Variants in ARFGEF2 observed in about 807,000 individuals in gnomAD.
The protein encoded by ARFGEF2 is brefeldin A-inhibited guanine nucleotide-exchange protein 2.
Under a neutral mutation model 219.9 loss-of-function variants are expected in ARFGEF2, and 74 were observed. The ratio of observed to expected loss-of-function variants is 0.34; its 90% confidence interval spans 0.28 to 0.41. The LOEUF (loss-of-function observed/expected upper bound fraction) is 0.41, where lower values mean the gene tolerates loss of function less well. ARFGEF2 is among the 10% of genes least tolerant of loss of function. The pLI is 1.00. For missense variants in ARFGEF2, 1,743 were observed against 2,218.3 expected, an observed-to-expected ratio of 0.79 and a Z score of 4.30; for synonymous variants, 733 against 799.2, an observed-to-expected ratio of 0.92 and a Z score of 1.40.
chr20:48,929,190 C>A (rs979488360), intron 1 of ARFGEF2, among the ~76,000 whole-genome samples: 2 of 152,236 alleles, frequency 1.3e-5, no homozygotes, highest in East Asian at 3.8e-4. Context: ...TGATTCATTT[C>A]TGAAATTTTC....
At position 49,011,826 on chromosome 20, in the gene ARFGEF2, G is replaced by A. The variant is rs1535268; in HGVS notation, c.3758-98G>A. On this transcript the variant is annotated intron_variant, in intron 27 of 38. Transcript: ENST00000371917. ...TAGATTTTCACAGTTAATTATCTCTGATGTATGTGTGTGTGTGTGTGTGTG... is the reference window on the plus strand; with the variant it reads ...TAGATTTTCACAGTTAATTATCTCTAATGTATGTGTGTGTGTGTGTGTGTG... The A allele has an allele frequency of 0.16, 197,311 of 1,269,706 alleles. 18,782 individuals are homozygous for A. The highest frequency in any genetic ancestry group is 0.34 in the East Asian group (14,864 of 43,322). 78.7% of individuals were successfully genotyped at this position (1,269,706 alleles called of 1,614,324 possible).
intron 3 of ARFGEF2, 28 bp from the exon 4 acceptor site, chr20:48,951,295 G>A (rs1384584301): frequency 3.1e-6 from 5 of 1,613,190 alleles, no homozygotes; most frequent in African/African-American, 2.7e-5. Context: ...AAGCAGAAAT[G>A]TATAATCTCT....
chr20:48,975,990 C>T lies in ARFGEF2; in HGVS notation c.1775-26C>T, dbSNP rs1161548415. On this transcript the variant is annotated intron_variant, in intron 13 of 38. Transcript: ENST00000371917. ...GTCTGTGTCCCACTTGCTTATTTGG[C>T]TTCCTTTACTTTTGTTTCTCCGCAG... The T allele has an allele frequency of 1.9e-6, 3 of 1,611,686 alleles. No individual in the cohort carries two copies. In the African/African-American group the frequency reaches 4.0e-5, roughly 22 times the overall value.
At chr20:49,002,784 A>G (rs1478048257) in intron 25 of ARFGEF2, among the ~76,000 whole-genome samples, 2 of 150,662 alleles carry the variant, frequency 1.3e-5, no homozygotes, top group African/African-American at 4.9e-5. Flanking sequence ...AGCTGGGATT[A>G]TAGGCACCCA....
At chr20:48,950,301 C>T (rs1206754096) in intron 3 of ARFGEF2, among the ~76,000 whole-genome samples, 1 of 151,888 alleles carries the variant, frequency 6.6e-6, no homozygotes, top group Non-Finnish European at 1.5e-5. Flanking sequence ...CAGGATTCAA[C>T]GTTGAAAAAA....
At chr20:48,934,029 A>G (rs2090930808) in intron 1 of ARFGEF2, among the ~76,000 whole-genome samples, 1 of 147,970 alleles carries the variant, frequency 6.8e-6, no homozygotes, top group Non-Finnish European at 1.5e-5. Context: ...CTGAGGCAGG[A>G]GAATCTCTTG....
At chr20:48,976,340 G>A (rs2123429791) in intron 14 of ARFGEF2, 141 bp downstream of exon 14, 2 of 1,021,428 alleles carry the variant, frequency 2.0e-6, no homozygotes, top group African/African-American at 1.6e-5. Flanking sequence ...ATTGAGCCAG[G>A]CAATCAGTAA....
chr20:49,025,864 C>A (rs2123566303), intron 36 of ARFGEF2, among the ~76,000 whole-genome samples: 1 of 152,030 alleles, frequency 6.6e-6, no homozygotes, highest in East Asian at 1.9e-4. Context: ...AACCCATAAT[C>A]CCAGCTACTT....
intron 1 of ARFGEF2, among the ~76,000 whole-genome samples, chr20:48,937,931 GT>G (rs2090969140): frequency 6.6e-6 from 1 of 152,226 alleles, no homozygotes; most frequent in South Asian, 2.1e-4. Flanking sequence ...AAACACCAGT[GT>G]TTTGAACCGT....
rs764533856 is a variant in ARFGEF2, at chr20:49,012,040, C to T, written c.3874C>T (p.Arg1292Trp). Residue 1292 changes from arginine (R) to tryptophan (W), a missense_variant, in exon 28 of 39, where the codon CGG becomes TGG. By Grantham distance (101) the Arg-to-Trp change is moderately radical. Coordinates refer to ENST00000371917, the MANE Select transcript of ARFGEF2 (RefSeq NM_006420.3). ...AFPDTSMEAIRLIRFCGKYVS... is the reference protein window; with the variant it reads ...AFPDTSMEAIWLIRFCGKYVS... ...CCCTGACACGAGCATGGAAGCGATTCGGCTCATCCGCTTCTGTGGCAAATA... is the reference window on the plus strand; with the variant it reads ...CCCTGACACGAGCATGGAAGCGATTTGGCTCATCCGCTTCTGTGGCAAATA... The T allele has an allele frequency of 6.2e-6, 10 of 1,614,038 alleles. No homozygotes were observed. Among genetic ancestry groups the T allele is most frequent in the South Asian group, 1.1e-5 (1 of 91,084 alleles).
chr20:48,941,077 A>G, intron 1 of ARFGEF2, 122 bp from the exon 2 acceptor site: 1 of 880,364 alleles, frequency 1.1e-6, no homozygotes. Flanking sequence ...TCATATCAGC[A>G]TTTTTGTATT....
intron 15 of ARFGEF2, 90 bp from the exon 16 acceptor site, chr20:48,985,318 G>A: frequency 7.2e-7 from 1 of 1,395,110 alleles, no homozygotes; most frequent in East Asian, 2.3e-5. Flanking sequence ...GTTAGGGCCA[G>A]GCTATTCTGA....
chr20:49,009,165 T>C (rs919569133), intron 26 of ARFGEF2, among the ~76,000 whole-genome samples: 17 of 152,246 alleles, frequency 1.1e-4, no homozygotes, highest in Non-Finnish European at 2.2e-4. Context: ...TTCATTTTTA[T>C]TATATATTGG....
Position 48,963,901 on chromosome 20 carries a change from A to G in ARFGEF2, c.907+3A>G. ...TGTAGTCACATCTGCCATTAAAGGT[A>G]AGAACCAAGGACAACCCAGCCTTTC... On this transcript the variant is annotated splice_donor_region_variant and intron_variant, in intron 7 of 38. Coordinates refer to ENST00000371917, the MANE Select transcript of ARFGEF2 (RefSeq NM_006420.3). The G allele has an allele frequency of 1.2e-6, 2 of 1,613,786 alleles. No individual in the cohort carries two copies. Among genetic ancestry groups the G allele is most frequent in the South Asian group, 2.2e-5 (2 of 91,010 alleles).
intron 20 of ARFGEF2, 57 bp from the exon 21 acceptor site, chr20:48,990,983 G>A (rs2091354387): frequency 1.3e-6 from 2 of 1,581,966 alleles, no homozygotes; most frequent in African/African-American, 1.3e-5. Context: ...CTGCAGATGT[G>A]AGAATGGCCA....
chr20:49,031,782 G>A (rs866001935), intron 37 of ARFGEF2, among the ~76,000 whole-genome samples: 1 of 151,998 alleles, frequency 6.6e-6, no homozygotes, highest in Admixed American at 6.6e-5. Context: ...CAGGCATGGT[G>A]GCGCAAGCAT....
chr20:48,995,888 G>T lies in ARFGEF2; in HGVS notation c.3221+6G>T. 1 of 1,613,684 alleles carries T rather than the reference G, an allele frequency of 6.2e-7. No homozygotes were observed. The highest frequency in any genetic ancestry group is 8.5e-7 in the Non-Finnish European group (1 of 1,179,588). On this transcript the variant is annotated splice_donor_region_variant and intron_variant, in intron 23 of 38. Coordinates refer to ENST00000371917, the MANE Select transcript of ARFGEF2 (RefSeq NM_006420.3). ...GTGGTTGTAGCTGTGGACAGGTAAT[G>T]ATTTTATTCTTCAGTGACCCTGAAC...
At chr20:48,961,861 CAAA>C (rs757807266) in intron 6 of ARFGEF2, among the ~76,000 whole-genome samples, 2 of 119,308 alleles carry the variant, frequency 1.7e-5, no homozygotes, top group African/African-American at 3.2e-5. Flanking sequence ...GAGACTCTCT[CAAA>C]AAAAAAAAAA....
At chr20:48,994,654 A>G in intron 22 of ARFGEF2, 56 bp downstream of exon 22, 1 of 1,605,524 alleles carries the variant, frequency 6.2e-7, no homozygotes, top group South Asian at 1.1e-5. Context: ...AACGGGGATG[A>G]AACCCTTCTT....
Sources: allele counts gnomAD v4.1 joint callset (sites outside exome capture counted in the v4.1 genomes callset), GRCh38; gene constraint gnomAD v4.1.1; transcripts MANE v1.5; gene names NCBI Gene and HGNC (gene_info 2026-07-23, HGNC 2026-07-21).